Variants in ADGRV1 observed in about 807,000 individuals in gnomAD.
ADGRV1 encodes G-protein coupled receptor 98.
ADGRV1 carries 359 observed loss-of-function variants against 596.2 expected under a neutral mutation model. The observed-to-expected ratio is 0.60, with a 90% CI of 0.55 to 0.66. The LOEUF (loss-of-function observed/expected upper bound fraction) is 0.66. Ranked by LOEUF, ADGRV1 falls within the 30% of genes least tolerant of loss-of-function variation. ADGRV1 has a pLI of 0.00. For synonymous variants in ADGRV1, 2,681 were observed against 2,679.2 expected (o/e 1.00, Z -0.02); for missense variants, 7,274 against 7,575.6 (o/e 0.96, Z 1.48).
At chr5:91,161,248 A>G (rs1796916625) in intron 89 of ADGRV1, among the ~76,000 whole-genome samples, 1 of 152,136 alleles carries the variant, frequency 6.6e-6, no homozygotes, top group Non-Finnish European at 1.5e-5. Flanking sequence ...GTTCTTCCAC[A>G]TAACACGGTT....
chr5:91,020,566 T>C (rs1783552702), intron 85 of ADGRV1, among the ~76,000 whole-genome samples: 1 of 152,022 alleles, frequency 6.6e-6, no homozygotes, highest in South Asian at 2.1e-4. Context: ...CTCTGGACTG[T>C]CTGTGTTCTT....
At position 90,729,848 on chromosome 5, in the gene ADGRV1, A is replaced by G. The variant is rs1418738738; in HGVS notation, c.10549+84A>G. On this transcript the variant is annotated intron_variant, in intron 50 of 89. Coordinates refer to ENST00000405460, the MANE Select transcript of ADGRV1 (RefSeq NM_032119.4). ...TTAATCTCATTGATTTAGATTTAGT[A>G]TCACATTGCCAGACACTGGGTATTT... 23 of 1,377,066 alleles carry G rather than the reference A, an allele frequency of 1.7e-5. No homozygotes were observed. The Admixed American group carries it at 3.6e-4, about 21-fold the overall frequency. The allele number at this position is 1,377,066 out of a possible 1,614,324, so 85.3% of individuals were successfully genotyped here.
chr5:90,862,614 C>G (rs1462040559), intron 82 of ADGRV1, among the ~76,000 whole-genome samples: 1 of 151,736 alleles, frequency 6.6e-6, no homozygotes, highest in East Asian at 1.9e-4. Flanking sequence ...TGAAGCCAGA[C>G]CCAGGACCTA....
chr5:90,924,252 G>A (rs2150756371), intron 83 of ADGRV1, among the ~76,000 whole-genome samples: 1 of 151,758 alleles, frequency 6.6e-6, no homozygotes, highest in East Asian at 1.9e-4. Context: ...CACCAACAGT[G>A]TAAAAGTGTT....
At chr5:91,103,327 A>G (rs1791557926) in intron 87 of ADGRV1, among the ~76,000 whole-genome samples, 1 of 151,952 alleles carries the variant, frequency 6.6e-6, no homozygotes, top group South Asian at 2.1e-4. Flanking sequence ...GTTACAGGTG[A>G]GCACTTACTA....
chr5:90,566,546 A>AT (rs1755656486), intron 1 of ADGRV1, among the ~76,000 whole-genome samples: 1 of 151,920 alleles, frequency 6.6e-6, no homozygotes, highest in South Asian at 2.1e-4. Flanking sequence ...TATTTTACAT[A>AT]TTTTGTTAAA....
intron 86 of ADGRV1, among the ~76,000 whole-genome samples, chr5:91,073,321 G>A (rs573427948): frequency 3.3e-4 from 51 of 152,274 alleles, no homozygotes; most frequent in African/African-American, 1.1e-3. Flanking sequence ...TGGGAGTAGA[G>A]GATCCCTCTT....
At chr5:90,847,467 G>T (rs775424854) in intron 78 of ADGRV1, among the ~76,000 whole-genome samples, 1 of 152,210 alleles carries the variant, frequency 6.6e-6, no homozygotes, top group Non-Finnish European at 1.5e-5. Flanking sequence ...AGTGGATCCC[G>T]CACCAGGGCT....
chr5:90,826,592 T>C (rs928015510), intron 76 of ADGRV1, among the ~76,000 whole-genome samples: 6 of 151,710 alleles, frequency 4.0e-5, no homozygotes, highest in Admixed American at 3.3e-4. Flanking sequence ...CTCGGCAGAG[T>C]TGGCCCTTCA....
At chr5:90,676,626 C>T (rs1230119493) in intron 25 of ADGRV1, 1 of 155,482 alleles carries the variant, frequency 6.4e-6, no homozygotes, top group African/African-American at 2.4e-5. Context: ...CTTATTATTA[C>T]CCACTGATAT....
At position 90,658,034 on chromosome 5, in the gene ADGRV1, C is replaced by G; in HGVS notation, c.4508C>G (p.Ala1503Gly). The change falls in exon 21 of 90, where the codon GCA becomes GGA. Residue 1503 changes from alanine (A) to glycine (G), a missense_variant. Ala to Gly is a moderately conservative substitution (Grantham distance 60). This residue lies in a region of ADGRV1 where 3,643 missense variants were observed against 3,809.2 expected (regional missense o/e 0.96). Coordinates refer to ENST00000405460, the MANE Select transcript of ADGRV1 (RefSeq NM_032119.4). ...EEIYELHAMP[A>G]KSDLHPISGY... is the part of the protein sequence containing the mutation. ...ATTTATGAACTTCATGCCATGCCCG[C>G]AAAAAGTGATTTACACCCAATTTCT... The G allele has an allele frequency of 1.9e-6, 3 of 1,613,772 alleles. No individual in the cohort carries two copies. Among genetic ancestry groups the G allele is most frequent in the African/African-American group, 2.7e-5 (2 of 74,988 alleles).
At chr5:90,627,963 A>ACACACACAC in intron 7 of ADGRV1, 187 bp downstream of exon 7, 1 of 224,002 alleles carries the variant, frequency 4.5e-6, no homozygotes, top group Non-Finnish European at 7.6e-6. Context: ...CACACACACA[A>ACACACACAC]GAATATGTCA....
At position 91,149,848 on chromosome 5, in the gene ADGRV1, A is replaced by AG. The variant is rs1312018034; in HGVS notation, c.18433-182_18433-181insG. 1.1e-4 allele frequency among the ~76,000 whole-genome samples: 17 copies of AG among 150,164 alleles called. No homozygotes were observed. The East Asian group carries it at 2.5e-3, about 22-fold the overall frequency. Reference sequence around the variant, plus strand: ...CTCCAGCTCAAAAAAAAAAAAAAAAAAGAGAAAGAAAAAAAGAAAGAAAGA... The same window carrying AG: ...CTCCAGCTCAAAAAAAAAAAAAAAAAGAGAGAAAGAAAAAAAGAAAGAAAGA... On this transcript the variant is annotated intron_variant, in intron 87 of 89. Transcript: ENST00000405460.
At position 90,784,001 on chromosome 5, in the gene ADGRV1, A is replaced by G. The variant is rs1227472381; in HGVS notation, c.13597A>G (p.Thr4533Ala). 5 of 1,612,886 alleles carry G rather than the reference A, an allele frequency of 3.1e-6. No individual in the cohort carries two copies. Among genetic ancestry groups the G allele is most frequent in the Non-Finnish European group, 4.2e-6 (5 of 1,179,488 alleles). Residue 4533 changes from threonine (T) to alanine (A), a missense_variant, in exon 67 of 90, where the codon ACA becomes GCA. Coordinates refer to ENST00000405460, the MANE Select transcript of ADGRV1 (RefSeq NM_032119.4). ...AATTTCTATTGCTAATCCCAATTCC[A>G]CAATGATTTTATCACTGGTGCTGGA... is the stretch of plus-strand genomic sequence containing the variant. Reference protein sequence around the residue: ...SKISIANPNSTMILSLVLERT... With the variant: ...SKISIANPNSAMILSLVLERT...
At chr5:90,813,451 GT>G (rs1241181278) in intron 74 of ADGRV1, among the ~76,000 whole-genome samples, 1 of 152,130 alleles carries the variant, frequency 6.6e-6, no homozygotes, top group African/African-American at 2.4e-5. Flanking sequence ...GTGCTTCCCT[GT>G]TTTATCAGAC....
At chr5:90,968,878 T>C (rs1778708061) in intron 84 of ADGRV1, among the ~76,000 whole-genome samples, 1 of 152,222 alleles carries the variant, frequency 6.6e-6, no homozygotes, top group Non-Finnish European at 1.5e-5. Context: ...TACATATGTC[T>C]GTGCATAGCT....
At position 90,776,544 on chromosome 5, in the gene ADGRV1, C is replaced by G. The variant is rs373705717; in HGVS notation, c.12495C>G (p.Pro4165=). The change falls in exon 61 of 90, where the codon CCC becomes CCG. Residue 4165 remains proline, a synonymous_variant. Coordinates refer to ENST00000405460, the MANE Select transcript of ADGRV1 (RefSeq NM_032119.4). ...CTAGGCACATCCTCATTGGGGAACC[C>G]TCAGCAAAATATAATGGTACCGCTA... ...PSSRHILIGE[P]SAKYNGTAII... is the part of the protein sequence containing the mutation. 3.8e-5 allele frequency: 61 copies of G among 1,613,178 alleles called. No homozygotes were observed. The highest frequency in any genetic ancestry group is 4.9e-5 in the Non-Finnish European group (58 of 1,179,494).
At chr5:91,010,485 A>T (rs2151144228) in intron 85 of ADGRV1, among the ~76,000 whole-genome samples, 1 of 152,256 alleles carries the variant, frequency 6.6e-6, no homozygotes, top group African/African-American at 2.4e-5. Context: ...TATTTGAAAT[A>T]GAGATATCAA....
At chr5:90,638,011 ATTTTTTTTTTACTC>A in intron 11 of ADGRV1, 63 bp downstream of exon 11, 1 of 1,088,554 alleles carries the variant, frequency 9.2e-7, no homozygotes, top group South Asian at 1.7e-5. Flanking sequence ...AATAACTTTG[ATTTTTTTTTTACTC>A]TTTTTTTTCT....
Sources: allele counts gnomAD v4.1 joint callset (sites outside exome capture counted in the v4.1 genomes callset), GRCh38; gene constraint gnomAD v4.1.1; regional missense constraint gnomAD v4.1.1; transcripts MANE v1.5; gene names NCBI Gene and HGNC (gene_info 2026-07-23, HGNC 2026-07-21).